The following CACNB2 variants were observed in gnomAD, a reference collection of about 807,000 sequenced individuals.
The protein encoded by CACNB2 is calcium voltage-gated channel auxiliary subunit beta 2, also known as voltage-dependent L-type calcium channel subunit beta-2.
In CACNB2, 42 loss-of-function variants were observed where a neutral mutation model predicts 73.3. The observed-to-expected ratio is 0.57, with a 90% CI of 0.45 to 0.74. The LOEUF (loss-of-function observed/expected upper bound fraction) is 0.74, where lower values mean the gene tolerates loss of function less well. Among genes scored for constraint, CACNB2 ranks in the 30% least tolerant of loss-of-function variants. The pLI is 0.00. For synonymous variants in CACNB2, 348 were observed against 310.3 expected, an observed-to-expected ratio of 1.12 and a Z score of -1.28; for missense variants, 940 against 853.0, an observed-to-expected ratio of 1.10 and a Z score of -1.27.
chr10:18,174,390 T>C (rs75076265), intron 2 of CACNB2, among the ~76,000 whole-genome samples: 14,022 of 88,130 alleles, frequency 0.16, 803 homozygotes, highest in East Asian at 0.35. Flanking sequence ...TTTCTTTTCT[T>C]TCTTTCTCTC....
chr10:18,260,748 G>A (rs1349701020), intron 2 of CACNB2: 2 of 999,264 alleles, frequency 2.0e-6, no homozygotes, highest in Non-Finnish European at 1.2e-6. Context: ...AATCATAGGC[G>A]AGCAGCCGCG....
At chr10:18,389,236 A>C (rs2043361201) in intron 2 of CACNB2, among the ~76,000 whole-genome samples, 1 of 152,200 alleles carries the variant, frequency 6.6e-6, no homozygotes, top group South Asian at 2.1e-4. Context: ...TCCTGAGCTC[A>C]GGCAGTCCTC....
At chr10:18,149,759 T>C (rs2031340165) in intron 1 of CACNB2, among the ~76,000 whole-genome samples, 1 of 152,214 alleles carries the variant, frequency 6.6e-6, no homozygotes. Context: ...GCCTAATAAT[T>C]GTCAACATGT....
chr10:18,405,012 G>T (rs1000770086), intron 3 of CACNB2, among the ~76,000 whole-genome samples: 4 of 152,142 alleles, frequency 2.6e-5, no homozygotes, highest in African/African-American at 9.7e-5. Flanking sequence ...GGCATACTTT[G>T]CAAATCCTGG....
intron 2 of CACNB2, among the ~76,000 whole-genome samples, chr10:18,200,272 GT>G (rs111298691): frequency 0.056 from 8,437 of 151,706 alleles, 742 homozygotes; most frequent in African/African-American, 0.19. Flanking sequence ...CAAAAAAAAA[GT>G]TTTTTTGTGT....
chr10:18,198,770 T>C (rs1446955699), intron 2 of CACNB2, among the ~76,000 whole-genome samples: 4 of 152,208 alleles, frequency 2.6e-5, no homozygotes, highest in African/African-American at 9.6e-5. Context: ...ACTGCTTTCC[T>C]TCCCTGTATG....
chr10:18,448,014 T>C (rs2046820966), intron 3 of CACNB2, among the ~76,000 whole-genome samples: 1 of 152,038 alleles, frequency 6.6e-6, no homozygotes, highest in South Asian at 2.1e-4. Context: ...TTAATAGAGA[T>C]AGGGTCTTGC....
At chr10:18,534,414 G>C (rs1055262610) in intron 11 of CACNB2, among the ~76,000 whole-genome samples, 187 bp downstream of exon 11, 2 of 152,004 alleles carry the variant, frequency 1.3e-5, no homozygotes, top group Non-Finnish European at 2.9e-5. Flanking sequence ...TCAAAGTGTG[G>C]TCCATGGATC....
rs536472345 is a variant in CACNB2, at chr10:18,320,045, C to A, written c.214-81879C>A. On this transcript the variant is annotated intron_variant, in intron 2 of 13. Coordinates refer to ENST00000324631, the MANE Select transcript of CACNB2 (RefSeq NM_201596.3). Reference sequence around the variant, plus strand: ...TTTGGCTCCTTCTGAAGGCATCATTCCACCGAGTATCACCTTCCCCTCCAA... The same window carrying A: ...TTTGGCTCCTTCTGAAGGCATCATTACACCGAGTATCACCTTCCCCTCCAA... Among the ~76,000 whole-genome samples the A allele has an allele frequency of 4.7e-4, 72 of 152,270 alleles. No homozygotes were observed. The South Asian group carries it at 0.014, about 29-fold the overall frequency.
chr10:18,501,123 C>A (rs980412174), intron 5 of CACNB2, among the ~76,000 whole-genome samples, 175 bp downstream of exon 5: 1 of 152,222 alleles, frequency 6.6e-6, no homozygotes, highest in Non-Finnish European at 1.5e-5. Context: ...TTCAGTCCAG[C>A]ACCTGATTTT....
At chr10:18,495,546 TGTG>T (rs2049746952) in intron 3 of CACNB2, among the ~76,000 whole-genome samples, 5 of 19,954 alleles carry the variant, frequency 2.5e-4, no homozygotes, top group Admixed American at 5.4e-4. Context: ...GTATAAAAAC[TGTG>T]TGTGTGTGTG....
intron 2 of CACNB2, among the ~76,000 whole-genome samples, chr10:18,352,996 T>C (rs565594247): frequency 2.0e-5 from 3 of 152,278 alleles, no homozygotes; most frequent in East Asian, 1.9e-4. Flanking sequence ...AGCAGGAAAA[T>C]GTGATCTGTT....
intron 1 of CACNB2, among the ~76,000 whole-genome samples, chr10:18,147,990 C>G (rs971902505): frequency 2.6e-5 from 4 of 151,888 alleles, no homozygotes; most frequent in Non-Finnish European, 5.9e-5. Flanking sequence ...TGAAAATGGA[C>G]TATTAGCTTT....
At chr10:18,332,911 C>A (rs1019706047) in intron 2 of CACNB2, among the ~76,000 whole-genome samples, 1 of 152,130 alleles carries the variant, frequency 6.6e-6, no homozygotes, top group Admixed American at 6.5e-5. Context: ...ATGTTAAATG[C>A]AGGTTACAAG....
At chr10:18,279,907 C>A (rs1307513387) in intron 2 of CACNB2, among the ~76,000 whole-genome samples, 2 of 152,126 alleles carry the variant, frequency 1.3e-5, no homozygotes, top group Admixed American at 1.3e-4. Flanking sequence ...TGACAAAAGT[C>A]CGTCTCTACC....
At chr10:18,511,725 A>T (rs527942755) in intron 6 of CACNB2, among the ~76,000 whole-genome samples, 4 of 152,240 alleles carry the variant, frequency 2.6e-5, no homozygotes, top group African/African-American at 4.8e-5. Context: ...TGTCATCCTG[A>T]CTCCTGACAT....
At chr10:18,322,432 A>T (rs1175687934) in intron 2 of CACNB2, among the ~76,000 whole-genome samples, 1 of 152,228 alleles carries the variant, frequency 6.6e-6, no homozygotes, top group East Asian at 1.9e-4. Context: ...CAACACAATC[A>T]GTAATTTGTT....
chr10:18,298,959 A>C (rs2039389631), intron 2 of CACNB2, among the ~76,000 whole-genome samples: 1 of 152,058 alleles, frequency 6.6e-6, no homozygotes, highest in African/African-American at 2.4e-5. Flanking sequence ...AGAGGCTTCA[A>C]ATCAAGTTAC....
intron 3 of CACNB2, among the ~76,000 whole-genome samples, chr10:18,423,340 A>C (rs1289905389): frequency 6.6e-6 from 1 of 152,154 alleles, no homozygotes; most frequent in East Asian, 1.9e-4. Context: ...TCTTTTTAGA[A>C]ACTTTCTGTT....
Sources: allele counts gnomAD v4.1 joint callset (sites outside exome capture counted in the v4.1 genomes callset), GRCh38; gene constraint gnomAD v4.1.1; transcripts MANE v1.5; gene names NCBI Gene and HGNC (gene_info 2026-07-23, HGNC 2026-07-21).